PCDH15: variants seen among roughly 807,000 people sequenced by gnomAD.
PCDH15 encodes protocadherin related 15.
A neutral mutation model predicts 178.5 loss-of-function variants in PCDH15; 129 were observed. The ratio of observed to expected loss-of-function variants is 0.72; its 90% confidence interval spans 0.63 to 0.84. PCDH15 has a LOEUF of 0.84. Ranked by LOEUF, PCDH15 falls within the 40% of genes least tolerant of loss-of-function variation. The probability of loss-of-function intolerance (pLI) is 0.00; values close to 1 mark genes in which losing one functional copy is unlikely to be tolerated. For synonymous variants in PCDH15, 800 were observed against 732.0 expected (o/e 1.09, Z -1.50); for missense variants, 2,230 against 2,099.9 (o/e 1.06, Z -1.21).
At chr10:55,077,614 A>G (rs1841938843) in intron 2 of PCDH15, among the ~76,000 whole-genome samples, 2 of 151,372 alleles carry the variant, frequency 1.3e-5, no homozygotes, top group Admixed American at 1.3e-4. Flanking sequence ...CAGTGGCACA[A>G]TATTGGCTCA....
At chr10:54,947,078 T>C (rs111236270) in intron 2 of PCDH15, among the ~76,000 whole-genome samples, 3 of 151,910 alleles carry the variant, frequency 2.0e-5, no homozygotes, top group African/African-American at 7.2e-5. Context: ...GGTTTTATGT[T>C]TATTTGTTAA....
chr10:55,480,969 G>T (rs766138699), intron 2 of PCDH15, among the ~76,000 whole-genome samples: 1 of 151,446 alleles, frequency 6.6e-6, no homozygotes, highest in Non-Finnish European at 1.5e-5. Flanking sequence ...CTGGTCCTGG[G>T]CTTTTTTAGG....
At chr10:54,291,321 C>T (rs1411035474) in intron 8 of PCDH15, among the ~76,000 whole-genome samples, 2 of 152,130 alleles carry the variant, frequency 1.3e-5, no homozygotes, top group Non-Finnish European at 2.9e-5. Flanking sequence ...ACATTTAAAG[C>T]AATGTGTAGA....
chr10:55,122,154 T>A (rs778547310), intron 2 of PCDH15, among the ~76,000 whole-genome samples: 22 of 152,190 alleles, frequency 1.4e-4, no homozygotes, highest in Non-Finnish European at 2.1e-4. Context: ...TATTAGACTC[T>A]GTTTAGTGTC....
chr10:55,419,280 G>A (rs1838560218), intron 2 of PCDH15, among the ~76,000 whole-genome samples: 1 of 151,750 alleles, frequency 6.6e-6, no homozygotes, highest in African/African-American at 2.4e-5. Flanking sequence ...AATTTTCTAT[G>A]TGGGATAATA....
chr10:54,884,723 T>A (rs1425309537), intron 3 of PCDH15, among the ~76,000 whole-genome samples: 1 of 28,402 alleles, frequency 3.5e-5, no homozygotes, highest in African/African-American at 1.2e-4. Flanking sequence ...GCCAAATTGT[T>A]TGAAATGTCT....
intron 2 of PCDH15, among the ~76,000 whole-genome samples, chr10:55,158,104 A>T (rs1469645842): frequency 2.1e-5 from 3 of 144,862 alleles, no homozygotes; most frequent in Admixed American, 1.4e-4. Flanking sequence ...ATATACACAT[A>T]TCTTTTATAA....
intron 1 of PCDH15, among the ~76,000 whole-genome samples, chr10:54,756,025 C>T (rs1947033765): frequency 6.7e-6 from 1 of 149,928 alleles, no homozygotes; most frequent in Middle Eastern, 3.4e-3. Context: ...ACCAGCCTGA[C>T]CAATATGGTG....
intron 13 of PCDH15, among the ~76,000 whole-genome samples, chr10:54,162,015 A>G (rs1219257930): frequency 6.6e-6 from 1 of 152,146 alleles, no homozygotes; most frequent in African/African-American, 2.4e-5. Context: ...ATATACATAC[A>G]TGAGGACATG....
At chr10:55,535,249 T>C (rs939807509) in intron 2 of PCDH15, among the ~76,000 whole-genome samples, 10 of 152,100 alleles carry the variant, frequency 6.6e-5, no homozygotes, top group African/African-American at 2.2e-4. Context: ...GAAATACTTA[T>C]ATGATCAATA....
intron 2 of PCDH15, among the ~76,000 whole-genome samples, chr10:55,145,191 G>A (rs1838470459): frequency 6.6e-6 from 1 of 151,868 alleles, no homozygotes; most frequent in African/African-American, 2.4e-5. Flanking sequence ...CTAATTCCCA[G>A]TTCCCCATAC....
At chr10:54,598,130 A>G (rs144741556) in intron 2 of PCDH15, among the ~76,000 whole-genome samples, 2 of 152,216 alleles carry the variant, frequency 1.3e-5, no homozygotes, top group Non-Finnish European at 2.9e-5. Context: ...AACTCATTCT[A>G]TGAGGCCAGT....
chr10:54,110,365 A>G (rs1053005905), intron 15 of PCDH15, among the ~76,000 whole-genome samples: 1 of 152,082 alleles, frequency 6.6e-6, no homozygotes, highest in Non-Finnish European at 1.5e-5. Context: ...TCAGATTGGA[A>G]TTGAAGTTTT....
chr10:54,254,770 T>C (rs2056770788), intron 8 of PCDH15, among the ~76,000 whole-genome samples: 1 of 152,238 alleles, frequency 6.6e-6, no homozygotes, highest in South Asian at 2.1e-4. Context: ...AGCAGGGTAC[T>C]GTTGATAACT....
chr10:55,316,372 G>T lies in PCDH15; in HGVS notation c.-156+3227C>A, dbSNP rs146424306. Among the ~76,000 whole-genome samples the T allele has an allele frequency of 5.0e-3, 755 of 152,176 alleles. 9 individuals carry two copies. Among genetic ancestry groups the T allele is most frequent in the African/African-American group, 0.017 (724 of 41,512 alleles). On this transcript the variant is annotated intron_variant, in intron 1 of 5. Coordinates refer to the PCDH15 transcript ENST00000458638. ...ACATAGACATGATTTTCAGAACATT[G>T]CAAATGATATAAATCTTAACATTCA... is the stretch of plus-strand genomic sequence containing the variant.
intron 17 of PCDH15, among the ~76,000 whole-genome samples, chr10:54,078,204 G>A (rs1464598635): frequency 3.9e-5 from 6 of 151,986 alleles, no homozygotes; most frequent in East Asian, 1.9e-4. Flanking sequence ...GTATAAGTAT[G>A]TTTATTTATG....
chr10:54,808,228 T>C (rs565355198), intron 3 of PCDH15, among the ~76,000 whole-genome samples: 6 of 152,190 alleles, frequency 3.9e-5, no homozygotes, highest in Non-Finnish European at 7.3e-5. Context: ...TTGAAGCAAA[T>C]TTTAAAAATA....
At chr10:54,819,195 T>C (rs1952996318) in intron 3 of PCDH15, among the ~76,000 whole-genome samples, 2 of 151,026 alleles carry the variant, frequency 1.3e-5, no homozygotes, top group South Asian at 4.1e-4. Flanking sequence ...ATTTTGGACA[T>C]GCAGGTCCCA....
intron 18 of PCDH15, among the ~76,000 whole-genome samples, chr10:54,033,874 A>G (rs575477253): frequency 6.6e-6 from 1 of 151,940 alleles, no homozygotes; most frequent in East Asian, 1.9e-4. Flanking sequence ...TCTTTTTTCT[A>G]GTATTCTGTT....
Sources: gnomAD v4.1 joint callset for allele counts (sites outside exome capture counted in the v4.1 genomes callset) on GRCh38, gnomAD v4.1.1 for gene constraint, MANE v1.5 for transcripts, NCBI Gene and HGNC (gene_info 2026-07-23, HGNC 2026-07-21) for gene names.